Variants in AQR observed in about 807,000 individuals in gnomAD.
AQR encodes RNA helicase aquarius.
In AQR, 61 loss-of-function variants were observed where a neutral mutation model predicts 180.5. The observed-to-expected ratio is 0.34, with a 90% CI of 0.28 to 0.42. AQR has a LOEUF of 0.42. Among genes scored for constraint, AQR ranks in the 10% least tolerant of loss-of-function variants. The pLI, the probability that AQR is intolerant of heterozygous loss-of-function variation, is 1.00. For synonymous variants in AQR, 551 were observed against 588.8 expected, an observed-to-expected ratio of 0.94 and a Z score of 0.93; for missense variants, 1,281 against 1,798.3, an observed-to-expected ratio of 0.71 and a Z score of 5.20.
intron 32 of AQR, among the ~76,000 whole-genome samples, chr15:34,863,596 T>C (rs917207130): frequency 5.3e-5 from 8 of 152,214 alleles, no homozygotes; most frequent in Non-Finnish European, 1.0e-4. Context: ...GCCTATAACA[T>C]GTTTTATCCA....
intron 9 of AQR, among the ~76,000 whole-genome samples, chr15:34,937,257 C>T (rs1893957871): frequency 1.1e-5 from 1 of 92,568 alleles, no homozygotes; most frequent in African/African-American, 2.6e-5. Context: ...GATCTCCTGA[C>T]CTCGTGATCC....
intron 8 of AQR, among the ~76,000 whole-genome samples, chr15:34,940,491 T>C (rs192772423): frequency 4.6e-5 from 7 of 152,018 alleles, no homozygotes; most frequent in East Asian, 3.9e-4. Flanking sequence ...AGTCGCACTA[T>C]TGCACTCCAG....
intron 20 of AQR, among the ~76,000 whole-genome samples, chr15:34,899,967 A>G (rs1427472300): frequency 6.6e-6 from 1 of 152,172 alleles, no homozygotes; most frequent in Non-Finnish European, 1.5e-5. Flanking sequence ...ACCATAGCTT[A>G]CTACAGACTT....
rs887133970 is a variant in AQR at position 34,967,619 on chromosome 15, A to C, written c.75+1920T>G. 2.6e-5 allele frequency among the ~76,000 whole-genome samples: 4 copies of C among 152,272 alleles called. No individual in the cohort carries two copies. The East Asian group carries it at 7.7e-4, about 29-fold the overall frequency. On this transcript the variant is annotated intron_variant, in intron 1 of 34. Coordinates refer to ENST00000156471, the MANE Select transcript of AQR (RefSeq NM_014691.3). ...AAATGAGGATTCCTAGCAGAGGAACAATGTTGAAAAGCCAGGAGATGAAAG... is the reference window on the plus strand; with the variant it reads ...AAATGAGGATTCCTAGCAGAGGAACCATGTTGAAAAGCCAGGAGATGAAAG...
intron 22 of AQR, 138 bp downstream of exon 22, chr15:34,896,759 G>T (rs911186168): frequency 9.8e-6 from 7 of 716,882 alleles, no homozygotes; most frequent in Middle Eastern, 4.8e-4. Flanking sequence ...TTAGGCAGAA[G>T]AATCACTTGA....
chr15:34,874,900 T>C (rs756167860), intron 28 of AQR, 36 bp from the exon 29 acceptor site: 16 of 1,575,092 alleles, frequency 1.0e-5, no homozygotes, highest in Middle Eastern at 1.7e-4. Flanking sequence ...CAAAATACTC[T>C]ATTATCCTCT....
At position 34,857,963 on chromosome 15, in the gene AQR, T is replaced by C. The variant is rs562005129; in HGVS notation, c.4144-857A>G. Among the ~76,000 whole-genome samples, 70 of 152,140 alleles carry C rather than the reference T, an allele frequency of 4.6e-4. 1 individual carries two copies. Among genetic ancestry groups the C allele is most frequent in the African/African-American group, 1.3e-3 (56 of 41,510 alleles). Reference sequence around the variant, plus strand: ...GGGACTCTGCTTACAATGCTGGAAATTGAATGAATGAATTGATTGATCGAT... The same window carrying C: ...GGGACTCTGCTTACAATGCTGGAAACTGAATGAATGAATTGATTGATCGAT... On this transcript the variant is annotated intron_variant, in intron 34 of 34. Coordinates refer to ENST00000156471, the MANE Select transcript of AQR (RefSeq NM_014691.3).
At chr15:34,884,415 CA>C in intron 26 of AQR, 109 bp downstream of exon 26, 2 of 1,040,526 alleles carry the variant, frequency 1.9e-6, no homozygotes, top group South Asian at 1.6e-5. Context: ...CAAAAAAAAA[CA>C]AAAAAACAAA....
At chr15:34,959,117 T>C (rs1271463925) in intron 3 of AQR, among the ~76,000 whole-genome samples, 2 of 152,210 alleles carry the variant, frequency 1.3e-5, no homozygotes, top group African/African-American at 2.4e-5. Flanking sequence ...TGTTGTACTG[T>C]TAGCATCGAA....
intron 4 of AQR, 70 bp downstream of exon 4, chr15:34,952,815 T>A (rs992019211): frequency 3.6e-6 from 4 of 1,101,562 alleles, no homozygotes; most frequent in Non-Finnish European, 4.0e-6. Flanking sequence ...CTCACAGAAA[T>A]AACACAGAAA....
In AQR at chr15:34,855,700, C is replaced by T. The variant is rs1230619591; in HGVS notation, c.*1092G>A. On this transcript the variant is annotated 3_prime_UTR_variant, in exon 35 of 35. Transcript: ENST00000156471. Reference sequence around the variant, plus strand: ...ACAGTGCTTCTCAAACTACAAAGTGCCTGTGAATCACCTGGGGACTTTGTT... The same window carrying T: ...ACAGTGCTTCTCAAACTACAAAGTGTCTGTGAATCACCTGGGGACTTTGTT... 1 of 152,072 alleles carries T rather than the reference C, an allele frequency of 6.6e-6. No homozygotes were observed. Among genetic ancestry groups the T allele is most frequent in the East Asian group, 1.9e-4 (1 of 5,190 alleles). 9.4% of individuals were successfully genotyped at this position (152,072 alleles called of 1,614,324 possible).
At position 34,938,779 on chromosome 15, in the gene AQR, T is replaced by A. The variant is rs1893980390; in HGVS notation, c.676A>T (p.Ile226Phe). 6.2e-7 allele frequency: 1 copy of A among 1,609,746 alleles called. No homozygotes were observed. The highest frequency in any genetic ancestry group is 1.1e-5 in the South Asian group (1 of 90,648). ...YQERRFLSQLIQKFISVLKSV... is the reference protein window; with the variant it reads ...YQERRFLSQLFQKFISVLKSV... Reference sequence around the variant, plus strand: ...TTCAGCACAGAGATAAACTTCTGGATGAGTTGTGAAAGAAATCTCCTCTCT... The same window carrying A: ...TTCAGCACAGAGATAAACTTCTGGAAGAGTTGTGAAAGAAATCTCCTCTCT... Residue 226 changes from isoleucine to phenylalanine, a missense_variant, in exon 9 of 35, where the codon ATC becomes TTC. Physicochemically the swap from Ile to Phe is conservative, Grantham distance 21. Around this residue, in one of 9 missense-constraint regions of AQR, gnomAD observed 404 missense variants for 490.9 expected, o/e 0.82. Transcript: ENST00000156471.
intron 19 of AQR, 87 bp from the exon 20 acceptor site, chr15:34,900,950 T>C (rs1040425662): frequency 6.8e-7 from 1 of 1,473,144 alleles, no homozygotes; most frequent in Non-Finnish European, 9.0e-7. Context: ...GCTGCACTAA[T>C]CCAGAATTCC....
chr15:34,965,974 C>T (rs2050308195), intron 1 of AQR, among the ~76,000 whole-genome samples: 2 of 152,190 alleles, frequency 1.3e-5, no homozygotes, highest in Non-Finnish European at 2.9e-5. Flanking sequence ...TCTATCATGT[C>T]TCTTCTCTGA....
At chr15:34,957,730 AT>A (rs202035652) in intron 3 of AQR, among the ~76,000 whole-genome samples, 7,083 of 148,660 alleles carry the variant, frequency 0.048, 521 homozygotes, top group African/African-American at 0.15. Flanking sequence ...CATAAAAATA[AT>A]AATAATAATA....
At chr15:34,965,783 C>T (rs145338314) in intron 1 of AQR, among the ~76,000 whole-genome samples, 11 of 152,332 alleles carry the variant, frequency 7.2e-5, no homozygotes, top group Admixed American at 1.3e-4. Context: ...CCTCATTCTG[C>T]TCCCTATGGG....
intron 6 of AQR, 29 bp from the exon 7 acceptor site, chr15:34,942,109 A>C: frequency 6.4e-7 from 1 of 1,571,482 alleles, no homozygotes; most frequent in African/African-American, 1.3e-5. Context: ...AAATAAGTTT[A>C]TAAACATACC....
intron 5 of AQR, among the ~76,000 whole-genome samples, chr15:34,946,667 G>GC (rs1273102733): frequency 1.4e-5 from 2 of 141,426 alleles, no homozygotes; most frequent in Non-Finnish European, 3.1e-5. Flanking sequence ...AAAGTGAGGA[G>GC]CCCCTCTGCC....
At chr15:34,919,347 T>C (rs1054278853) in intron 14 of AQR, among the ~76,000 whole-genome samples, 1 of 152,146 alleles carries the variant, frequency 6.6e-6, no homozygotes, top group Admixed American at 6.5e-5. Flanking sequence ...ATAGTATAAT[T>C]ATAGAAAAAA....
Sources: gnomAD v4.1 joint callset for allele counts (sites outside exome capture counted in the v4.1 genomes callset) on GRCh38, gnomAD v4.1.1 for gene constraint, gnomAD v4.1.1 regional missense constraint, MANE v1.5 for transcripts, NCBI Gene and HGNC (gene_info 2026-07-23, HGNC 2026-07-21) for gene names.